The following MAGI1 variants were observed in gnomAD, a reference collection of about 807,000 sequenced individuals.
MAGI1 encodes the protein membrane associated guanylate kinase, WW and PDZ domain containing 1.
A neutral mutation model predicts 139.9 loss-of-function variants in MAGI1; 58 were observed. The ratio of observed to expected loss-of-function variants is 0.41; its 90% CI spans 0.34 to 0.52. The LOEUF (loss-of-function observed/expected upper bound fraction) is 0.52, where lower values mean the gene tolerates loss of function less well. Among genes scored for constraint, MAGI1 ranks in the 20% least tolerant of loss-of-function variants. The pLI is 0.12. For synonymous variants in MAGI1, 812 were observed against 737.9 expected (o/e 1.10, Z -1.63); for missense variants, 1,874 against 1,901.6 (o/e 0.99, Z 0.27).
intron 1 of MAGI1, among the ~76,000 whole-genome samples, chr3:65,975,061 T>C (rs1337663208): frequency 1.3e-5 from 2 of 148,842 alleles, no homozygotes; most frequent in African/African-American, 5.0e-5. Flanking sequence ...ATTCATATTA[T>C]GTTGCAAAGA....
At chr3:65,578,113 CACTAGTG>C (rs1185557192) in intron 2 of MAGI1, among the ~76,000 whole-genome samples, 2 of 152,234 alleles carry the variant, frequency 1.3e-5, no homozygotes, top group African/African-American at 4.8e-5. Flanking sequence ...TCCCACAAAT[CACTAGTG>C]ATTTCCTCCA....
At chr3:65,905,944 T>C (rs985460070) in intron 1 of MAGI1, among the ~76,000 whole-genome samples, 2 of 152,194 alleles carry the variant, frequency 1.3e-5, no homozygotes, top group African/African-American at 4.8e-5. Context: ...TCCAAGTGTT[T>C]TTAAAATACC....
Position 66,037,164 on chromosome 3 carries a change from T to A in MAGI1, c.313+832A>T, listed in dbSNP as rs569736642. 1.1e-4 allele frequency among the ~76,000 whole-genome samples: 17 copies of A among 152,282 alleles called. 1 individual carries two copies. In the South Asian group the frequency reaches 3.5e-3, roughly 32 times the overall value. ...ACCAGTATCAATCCCAGTTTCCTTA[T>A]CTCTAATTTGGGGTATATAAATAAG... On this transcript the variant is annotated intron_variant, in intron 1 of 22. Coordinates refer to ENST00000402939, the MANE Select transcript of MAGI1 (RefSeq NM_001033057.2).
At chr3:65,660,768 T>A (rs2086147440) in intron 1 of MAGI1, among the ~76,000 whole-genome samples, 1 of 152,226 alleles carries the variant, frequency 6.6e-6, no homozygotes, top group Non-Finnish European at 1.5e-5. Context: ...TGAAAGAAGA[T>A]GAAGAGGGAC....
In MAGI1 at chr3:65,439,885, TCTG is replaced by T. The variant is rs142043619; in HGVS notation, c.1261_1263del (p.Gln421del). 3,412 of 1,485,844 alleles carry T rather than the reference TCTG, an allele frequency of 2.3e-3. No homozygotes were observed. Among genetic ancestry groups the T allele is most frequent in the Middle Eastern group, 3.9e-3 (21 of 5,408 alleles). The allele number at this position is 1,485,844 out of a possible 1,614,324, so 92.0% of individuals were successfully genotyped here. ...CTAGAGGAAAGAGGCCAACCTTCTGTCTGCTGCTGCTGCTGCTGCTGCTGCTGC... is the reference window on the plus strand; with the variant it reads ...CTAGAGGAAAGAGGCCAACCTTCTGTCTGCTGCTGCTGCTGCTGCTGCTGC... On this transcript the variant is annotated inframe_deletion, in exon 9 of 23. Coordinates refer to ENST00000402939, the MANE Select transcript of MAGI1 (RefSeq NM_001033057.2).
At chr3:65,426,084 G>A (rs1947024506) in intron 12 of MAGI1, among the ~76,000 whole-genome samples, 1 of 152,132 alleles carries the variant, frequency 6.6e-6, no homozygotes, top group Non-Finnish European at 1.5e-5. Context: ...ACAATTGGAA[G>A]AGGGGAGCCA....
chr3:65,693,501 G>C (rs1261330555), intron 1 of MAGI1, among the ~76,000 whole-genome samples: 1 of 152,204 alleles, frequency 6.6e-6, no homozygotes, highest in Middle Eastern at 3.4e-3. Flanking sequence ...AGATTCTAAA[G>C]ACACTGGAAA....
intron 1 of MAGI1, among the ~76,000 whole-genome samples, chr3:65,829,042 G>A (rs1035249256): frequency 1.3e-5 from 2 of 152,254 alleles, no homozygotes; most frequent in Admixed American, 6.5e-5. Flanking sequence ...CAAGGAAAAC[G>A]ATCTTTACCC....
At chr3:65,707,852 A>C (rs2030645513) in intron 1 of MAGI1, among the ~76,000 whole-genome samples, 4 of 152,338 alleles carry the variant, frequency 2.6e-5, no homozygotes, top group East Asian at 3.9e-4. Context: ...TGAACCAGAG[A>C]GGAAAGCAAG....
chr3:65,388,484 C>A (rs1277751746), intron 14 of MAGI1, among the ~76,000 whole-genome samples: 1 of 151,848 alleles, frequency 6.6e-6, no homozygotes, highest in Non-Finnish European at 1.5e-5. Context: ...CTTTGAAAGA[C>A]AAGATACAAA....
rs550565729 is a variant in MAGI1, at chr3:65,661,445, G to A, written c.314-39357C>T. Among the ~76,000 whole-genome samples, 8 of 152,216 alleles carry A rather than the reference G, an allele frequency of 5.3e-5. No homozygotes were observed. In the East Asian group the frequency reaches 1.4e-3, roughly 26 times the overall value. On this transcript the variant is annotated intron_variant, in intron 1 of 22. Transcript: ENST00000402939. ...TTGGTTTTCAGAGGGAAAAAAGTGG[G>A]TCCAAATAAACCACAGCAACATATG...
At position 65,357,067 on chromosome 3, in the gene MAGI1, GC is replaced by G; in HGVS notation, c.3699del (p.Asp1235ThrfsTer200). ...AATGACGGATGCTGCCGGCGGTCGGGCCCGGCCCTCACTTCCGGAACACCTT... is the reference window on the plus strand; with the variant it reads ...AATGACGGATGCTGCCGGCGGTCGGGCCGGCCCTCACTTCCGGAACACCTT... ...GPQGVPEVRAGPDRRQHPSLE... is the reference protein window; with the variant it reads ...GPQGVPEVRAXPDRRQHPSLE... On this transcript the variant is annotated frameshift_variant, in exon 23 of 23. Transcript: ENST00000402939. LOFTEE classifies it low-confidence loss of function (END_TRUNC). 2.5e-6 allele frequency: 4 copies of G among 1,614,176 alleles called. No individual in the cohort carries two copies. The highest frequency in any genetic ancestry group is 3.4e-6 in the Non-Finnish European group (4 of 1,180,030).
At position 65,356,465 on chromosome 3, in the gene MAGI1, C is replaced by T. The variant is rs1575587643; in HGVS notation, c.4302G>A (p.Leu1434=). ...ASHREREEAN[L]KQDAGRSSRH... is the part of the protein sequence containing the mutation. ...TGGAACTTCTGCCGGCATCCTGTTT[C>T]AGATTCGCCTCTTCCCTTTCTCGGT... The change falls in exon 23 of 23, where the codon CTG becomes CTA. Residue 1434 remains leucine (L), a synonymous_variant. Transcript: ENST00000402939. 1.2e-6 allele frequency: 2 copies of T among 1,612,026 alleles called. No individual in the cohort carries two copies. Among genetic ancestry groups the T allele is most frequent in the Non-Finnish European group, 8.5e-7 (1 of 1,179,964 alleles).
intron 17 of MAGI1, among the ~76,000 whole-genome samples, chr3:65,378,814 T>C (rs1030944987): frequency 6.6e-6 from 1 of 152,114 alleles, no homozygotes; most frequent in Non-Finnish European, 1.5e-5. Context: ...CCCAGGTAGC[T>C]GGGATTACAG....
intron 1 of MAGI1, among the ~76,000 whole-genome samples, chr3:65,974,105 T>C (rs2107206471): frequency 6.6e-6 from 1 of 152,236 alleles, no homozygotes; most frequent in East Asian, 1.9e-4. Flanking sequence ...TATTTACTTC[T>C]AGAATTCAAA....
At chr3:65,715,893 A>T (rs1305781221) in intron 1 of MAGI1, among the ~76,000 whole-genome samples, 3 of 152,220 alleles carry the variant, frequency 2.0e-5, no homozygotes, top group Non-Finnish European at 4.4e-5. Context: ...AAATTTAGTA[A>T]ACCAAAGCCA....
At chr3:65,369,006 A>G (rs796644799) in intron 18 of MAGI1, among the ~76,000 whole-genome samples, 6 of 152,218 alleles carry the variant, frequency 3.9e-5, no homozygotes, top group African/African-American at 1.4e-4. Flanking sequence ...ATGTTGTTTG[A>G]CTTCTTAGAT....
At chr3:65,949,029 ATT>A (rs2106920621) in intron 1 of MAGI1, among the ~76,000 whole-genome samples, 1 of 152,324 alleles carries the variant, frequency 6.6e-6, no homozygotes, top group African/African-American at 2.4e-5. Context: ...GGCAGCTGTC[ATT>A]TCTTCACATT....
chr3:65,872,412 CT>C (rs1559964031), intron 1 of MAGI1, among the ~76,000 whole-genome samples: 1 of 152,174 alleles, frequency 6.6e-6, no homozygotes, highest in East Asian at 1.9e-4. Flanking sequence ...AGCCTGTCCC[CT>C]TCTCCATTCT....
Sources: gnomAD v4.1 joint callset for allele counts (sites outside exome capture counted in the v4.1 genomes callset) on GRCh38, gnomAD v4.1.1 for gene constraint, MANE v1.5 for transcripts, NCBI Gene and HGNC (gene_info 2026-07-23, HGNC 2026-07-21) for gene names.